Variants in DMD observed in about 807,000 individuals in gnomAD.
The protein encoded by DMD is dystrophin.
DMD carries 63 observed loss-of-function variants against 330.1 expected under a neutral mutation model. That is an observed-to-expected ratio of 0.19 (90% CI 0.16 to 0.24). The LOEUF is 0.24. Ranked by LOEUF, DMD falls within the 10% of genes least tolerant of loss-of-function variation. The pLI, the probability that DMD is intolerant of heterozygous loss-of-function variation, is 1.00. For synonymous variants in DMD, 1,223 were observed against 959.8 expected, an observed-to-expected ratio of 1.27 and a Z score of -5.07; for missense variants, 3,344 against 2,684.1, an observed-to-expected ratio of 1.25 and a Z score of -5.43.
chrX:32,571,675 G>T (rs2052437772), intron 15 of DMD, among the ~76,000 whole-genome samples: 1 of 111,920 alleles, frequency 8.9e-6, no homozygotes, highest in Admixed American at 9.5e-5. Flanking sequence ...ATGTCTCAAA[G>T]ACATTTTACA....
At chrX:31,780,847 T>C (rs2090971975) in intron 50 of DMD, among the ~76,000 whole-genome samples, 1 of 111,781 alleles carries the variant, frequency 8.9e-6, no homozygotes, top group African/African-American at 3.2e-5. Context: ...CTAACATCAA[T>C]AATTCTCATT....
At chrX:31,477,766 T>C (rs2067895414) in intron 59 of DMD, among the ~76,000 whole-genome samples, 1 of 101,757 alleles carries the variant, frequency 9.8e-6, no homozygotes, top group Admixed American at 1.1e-4. Flanking sequence ...TTCTGTATTC[T>C]GATACTAAGT....
intron 2 of DMD, among the ~76,000 whole-genome samples, chrX:32,864,763 A>C (rs2082351920): frequency 8.9e-6 from 1 of 112,139 alleles, no homozygotes; most frequent in Non-Finnish European, 1.9e-5. Flanking sequence ...AATTCACTCT[A>C]ATGTATTTGA....
chrX:31,716,269 C>T (rs959578421), intron 52 of DMD, among the ~76,000 whole-genome samples: 1 of 112,414 alleles, frequency 8.9e-6, no homozygotes, highest in Admixed American at 9.4e-5. Context: ...CATGTGTTAG[C>T]GGCCAGGAGC....
intron 1 of DMD, among the ~76,000 whole-genome samples, chrX:33,250,536 A>G (rs1311134763): frequency 1.8e-5 from 2 of 111,118 alleles, no homozygotes; most frequent in Non-Finnish European, 3.8e-5. Context: ...ATTAGAAGAC[A>G]CACATATACA....
rs73462077 is a variant in DMD, at chrX:32,337,235, T to C, written c.5922+4865A>G. On this transcript the variant is annotated intron_variant, in intron 41 of 78. Coordinates refer to ENST00000357033, the MANE Select transcript of DMD (RefSeq NM_004006.3). ...TAAGAGAAAAGAATCATGAAGGATG[T>C]CTAGGTTTCTGACTTAAGTAAATAA... is the stretch of plus-strand genomic sequence containing the variant. 5.6e-3 allele frequency among the ~76,000 whole-genome samples: 624 copies of C among 110,935 alleles called. 8 individuals carry two copies. Among genetic ancestry groups the C allele is most frequent in the African/African-American group, 0.019 (574 of 30,542 alleles).
At chrX:33,086,224 A>T (rs1042312533) in intron 1 of DMD, among the ~76,000 whole-genome samples, 25 of 111,954 alleles carry the variant, frequency 2.2e-4, no homozygotes, top group African/African-American at 7.8e-4. Flanking sequence ...TTCACTGTGA[A>T]TTCAGACAGA....
chrX:33,330,877 C>T (rs755114594), intron 1 of DMD, among the ~76,000 whole-genome samples: 1 of 111,886 alleles, frequency 8.9e-6, no homozygotes, highest in Non-Finnish European at 1.9e-5. Flanking sequence ...TTCCACATCA[C>T]TCACACTAGG....
At chrX:33,058,985 T>A (rs1384597152) in intron 1 of DMD, among the ~76,000 whole-genome samples, 1 of 112,106 alleles carries the variant, frequency 8.9e-6, no homozygotes, top group African/African-American at 3.2e-5. Context: ...TAATCAGATA[T>A]ACGTCTTGTG....
In DMD at chrX:31,419,755, C is replaced by T. The variant is rs148608488; in HGVS notation, c.9084+24726G>A. ...GGATAAAGACCTCAGCAAGGAGATC[C>T]CTGGGTCCTTTTCTTATTTGGAAAT... On this transcript the variant is annotated intron_variant, in intron 60 of 78. Coordinates refer to ENST00000357033, the MANE Select transcript of DMD (RefSeq NM_004006.3). Among the ~76,000 whole-genome samples the T allele has an allele frequency of 3.1e-4, 35 of 111,361 alleles. No individual in the cohort carries two copies. The East Asian group carries it at 8.2e-3, about 26-fold the overall frequency.
chrX:31,203,830 C>T, intron 67 of DMD, 131 bp downstream of exon 67: 1 of 561,984 alleles, frequency 1.8e-6, no homozygotes, highest in Non-Finnish European at 3.0e-6. Flanking sequence ...TACAGAGGTT[C>T]CAAATATCCC....
At chrX:32,420,109 C>A (rs987865213) in intron 29 of DMD, among the ~76,000 whole-genome samples, 2 of 111,871 alleles carry the variant, frequency 1.8e-5, no homozygotes, top group Non-Finnish European at 3.8e-5. Flanking sequence ...CTCAAGGTAC[C>A]TTCAGGAGCC....
chrX:31,773,318 T>C (rs2090451710), intron 51 of DMD, among the ~76,000 whole-genome samples: 1 of 112,393 alleles, frequency 8.9e-6, no homozygotes, highest in Admixed American at 9.4e-5. Context: ...TTCTAGTTGA[T>C]GTCATAATTT....
intron 64 of DMD, among the ~76,000 whole-genome samples, chrX:31,209,937 T>C (rs1291189662): frequency 1.8e-5 from 2 of 111,699 alleles, no homozygotes; most frequent in Non-Finnish European, 1.9e-5. Context: ...GGTGAAGATA[T>C]GGGCAAAGAT....
At chrX:32,679,158 A>C (rs1373145285) in intron 9 of DMD, among the ~76,000 whole-genome samples, 1 of 112,156 alleles carries the variant, frequency 8.9e-6, no homozygotes, top group Admixed American at 9.5e-5. Context: ...GCCAATGCTT[A>C]GTCCAGTGTT....
intron 55 of DMD, among the ~76,000 whole-genome samples, chrX:31,542,754 C>G (rs1303243311): frequency 4.5e-5 from 5 of 112,237 alleles, no homozygotes; most frequent in African/African-American, 9.7e-5. Context: ...AAACATATTC[C>G]AGGCATAAGA....
At chrX:32,747,347 A>T (rs1410510469) in intron 7 of DMD, among the ~76,000 whole-genome samples, 3 of 112,315 alleles carry the variant, frequency 2.7e-5, no homozygotes. Flanking sequence ...CTCAAACTTT[A>T]GTTGGAGAAC....
chrX:32,692,157 TC>T (rs1274871061), intron 9 of DMD, among the ~76,000 whole-genome samples: 5 of 112,335 alleles, frequency 4.5e-5, no homozygotes, highest in Non-Finnish European at 9.4e-5. Context: ...TGTTAAGTGT[TC>T]TTACACACAA....
At chrX:32,753,753 A>T (rs779972566) in intron 7 of DMD, among the ~76,000 whole-genome samples, 24 of 112,188 alleles carry the variant, frequency 2.1e-4, no homozygotes, top group Non-Finnish European at 4.3e-4. Context: ...AATATTTATA[A>T]TACAATGTTA....
Sources: allele counts gnomAD v4.1 joint callset (sites outside exome capture counted in the v4.1 genomes callset), GRCh38; gene constraint gnomAD v4.1.1; transcripts MANE v1.5; gene names NCBI Gene and HGNC (gene_info 2026-07-23, HGNC 2026-07-21).